The following PPP1R37 variants were observed in gnomAD, a reference collection of about 807,000 sequenced individuals.
The protein encoded by PPP1R37 is protein phosphatase 1 regulatory subunit 37, also known as leucine rich repeat containing 68.
PPP1R37 carries 21 observed loss-of-function variants against 61.0 expected under a neutral mutation model. That is an observed-to-expected ratio of 0.34 (90% CI 0.24 to 0.50). The LOEUF is 0.50. PPP1R37 is among the 20% of genes least tolerant of loss of function. The probability of loss-of-function intolerance (pLI) is 0.98; values close to 1 mark genes in which losing one functional copy is unlikely to be tolerated. For missense variants in PPP1R37, 910 were observed against 952.7 expected (o/e 0.96, Z 0.59); for synonymous variants, 443 against 433.5 (o/e 1.02, Z -0.27).
chr19:45,118,959 CT>C (rs879838641), intron 1 of PPP1R37, among the ~76,000 whole-genome samples: 164 of 146,398 alleles, frequency 1.1e-3, no homozygotes, highest in Middle Eastern at 3.5e-3. Flanking sequence ...GCAGCTGCTG[CT>C]TTTTTTTTTT....
intron 1 of PPP1R37, among the ~76,000 whole-genome samples, chr19:45,101,956 C>T (rs975832662): frequency 7.2e-5 from 11 of 152,256 alleles, no homozygotes; most frequent in African/African-American, 2.7e-4. Context: ...CACTGTTTCC[C>T]ATAGCACCTC....
At chr19:45,102,243 C>G (rs928532570) in intron 1 of PPP1R37, among the ~76,000 whole-genome samples, 6 of 152,240 alleles carry the variant, frequency 3.9e-5, no homozygotes, top group Non-Finnish European at 7.3e-5. Flanking sequence ...CTTATAAAAT[C>G]CAGAAAATTC....
At position 45,128,555 on chromosome 19, in the gene PPP1R37, G is replaced by T. The variant is rs1284710443; in HGVS notation, c.203-9959G>T. On this transcript the variant is annotated intron_variant, in intron 1 of 12. Coordinates refer to ENST00000221462, the MANE Select transcript of PPP1R37 (RefSeq NM_019121.2). ...CAGTGTGTTTGCGAGAGCTGGAATCGAAGCCTCTTAAAATGGCAGATGATT... is the reference window on the plus strand; with the variant it reads ...CAGTGTGTTTGCGAGAGCTGGAATCTAAGCCTCTTAAAATGGCAGATGATT... 4 of 1,238,978 alleles carry T rather than the reference G, an allele frequency of 3.2e-6. No homozygotes were observed. The East Asian group carries it at 1.1e-4, about 33-fold the overall frequency. The allele number at this position is 1,238,978 out of a possible 1,614,324, so 76.7% of individuals were successfully genotyped here. A position where few individuals can be genotyped will look rare whatever the true frequency, so the allele number is the denominator to read the frequency against.
chr19:45,132,824 T>A (rs1968494842), intron 1 of PPP1R37, among the ~76,000 whole-genome samples: 1 of 152,062 alleles, frequency 6.6e-6, no homozygotes, highest in African/African-American at 2.4e-5. Context: ...CTGCCTTGGC[T>A]TCCCAAAGTG....
chr19:45,102,837 G>A (rs1004532305), intron 1 of PPP1R37, among the ~76,000 whole-genome samples: 2 of 152,220 alleles, frequency 1.3e-5, no homozygotes, highest in Admixed American at 6.5e-5. Flanking sequence ...AGCTGATGCC[G>A]CTCCTGTTAC....
intron 1 of PPP1R37, among the ~76,000 whole-genome samples, chr19:45,102,749 T>C (rs1490438573): frequency 6.6e-6 from 1 of 151,518 alleles, no homozygotes; most frequent in Non-Finnish European, 1.5e-5. Flanking sequence ...TCTCTCAAAG[T>C]TTTTAGACTC....
Position 45,145,474 on chromosome 19 carries a change from C to G in PPP1R37, c.1418C>G (p.Ser473Cys). ...EKEQPPQLSA[S>C]MPETTATEPQ... ...GAGCAGCCGCCACAGCTGTCGGCCT[C>G]CATGCCTGAGACCACCGCCACCGAG... Residue 473 changes from serine (S) to cysteine (C), a missense_variant, in exon 11 of 13, where the codon TCC (serine) becomes TGC (cysteine). By Grantham distance (112) the Ser-to-Cys change is moderately radical. Around this residue, in one of 3 missense-constraint regions of PPP1R37, gnomAD observed 549 missense variants for 505.1 expected, o/e 1.09. Coordinates refer to ENST00000221462, the MANE Select transcript of PPP1R37 (RefSeq NM_019121.2). 6.5e-7 allele frequency: 1 copy of G among 1,534,926 alleles called. No individual in the cohort carries two copies. The highest frequency in any genetic ancestry group is 8.7e-7 in the Non-Finnish European group (1 of 1,146,532).
chr19:45,132,566 G>A (rs1303122464), intron 1 of PPP1R37, among the ~76,000 whole-genome samples: 1 of 152,122 alleles, frequency 6.6e-6, no homozygotes, highest in Non-Finnish European at 1.5e-5. Context: ...CTCCCGAGTA[G>A]CTGGGATTAC....
intron 1 of PPP1R37, among the ~76,000 whole-genome samples, chr19:45,132,919 C>G (rs1459991140): frequency 6.6e-6 from 1 of 152,122 alleles, no homozygotes; most frequent in South Asian, 2.1e-4. Context: ...GGGAGGGACC[C>G]TACTAACTCA....
At position 45,120,014 on chromosome 19, in the gene PPP1R37, C is replaced by CTTTTTTTTTTTTTTTTTTTTTTTTTTT. The variant is rs11312138; in HGVS notation, c.203-18479_203-18478insTTTTTTTTTTTTTTTTTTTTTTTTTTT. The stretch of plus-strand genomic sequence containing the variant: ...AGCACAGATTTTTTATTTTCCCCTT[C>CTTTTTTTTTTTTTTTTTTTTTTTTTTT]TTTTTTTTTTTTTTTTTTTTTGAGA... On this transcript the variant is annotated intron_variant, in intron 1 of 12. Transcript: ENST00000221462. Among the ~76,000 whole-genome samples the CTTTTTTTTTTTTTTTTTTTTTTTTTTT allele has an allele frequency of 5.1e-4, 43 of 83,570 alleles. 3 individuals carry two copies. The highest frequency in any genetic ancestry group is 9.1e-4 in the Non-Finnish European group (38 of 41,782). The allele number at this position is 83,570 out of a possible 152,430, so 54.8% of individuals were successfully genotyped here. A position where few individuals can be genotyped will look rare whatever the true frequency, so the allele number is the denominator to read the frequency against.
chr19:45,110,129 T>G lies in PPP1R37; in HGVS notation c.202+16602T>G, dbSNP rs117055443. ...AATTCCCTTTTTCTTTTTTTTTTTT[T>G]TGTTGAGACAGAGTCTTGCTCTGTC... On this transcript the variant is annotated intron_variant, in intron 1 of 12. Coordinates refer to ENST00000221462, the MANE Select transcript of PPP1R37 (RefSeq NM_019121.2). Among the ~76,000 whole-genome samples the G allele has an allele frequency of 6.6e-3, 1,000 of 151,904 alleles. 5 individuals are homozygous for G. The highest frequency in any genetic ancestry group is 0.01 in the Admixed American group (156 of 15,268).
intron 1 of PPP1R37, among the ~76,000 whole-genome samples, chr19:45,122,607 C>T (rs945278157): frequency 4.6e-5 from 7 of 151,980 alleles, no homozygotes; most frequent in Non-Finnish European, 1.0e-4. Flanking sequence ...TGGAGGGTGG[C>T]CAGGGAAGGC....
At chr19:45,123,291 G>A (rs895987903) in intron 1 of PPP1R37, among the ~76,000 whole-genome samples, 3 of 152,102 alleles carry the variant, frequency 2.0e-5, no homozygotes, top group Non-Finnish European at 4.4e-5. Flanking sequence ...CACCTCTCCC[G>A]CCCAGCACTG....
intron 1 of PPP1R37, among the ~76,000 whole-genome samples, chr19:45,107,063 A>G (rs1020242959): frequency 6.6e-6 from 1 of 150,906 alleles, no homozygotes; most frequent in African/African-American, 2.4e-5. Context: ...TGATCCGCCC[A>G]CCTTGGCCTC....
chr19:45,133,085 G>A (rs1343487419), intron 1 of PPP1R37, among the ~76,000 whole-genome samples: 2 of 152,022 alleles, frequency 1.3e-5, no homozygotes, highest in African/African-American at 4.8e-5. Flanking sequence ...TGTTCTTTTT[G>A]TGTGTCCGTG....
At chr19:45,137,145 A>C (rs942738163) in intron 1 of PPP1R37, among the ~76,000 whole-genome samples, 6 of 151,244 alleles carry the variant, frequency 4.0e-5, no homozygotes, top group African/African-American at 1.2e-4. Context: ...AGATCTTTCT[A>C]ACGGCCAGTC....
Position 45,093,257 on chromosome 19 carries a change from G to A in PPP1R37, c.-69G>A. The A allele has an allele frequency of 8.2e-7, 1 of 1,215,014 alleles. No homozygotes were observed. Among genetic ancestry groups the A allele is most frequent in the South Asian group, 2.2e-5 (1 of 46,022 alleles). The allele number at this position is 1,215,014 out of a possible 1,614,324, so 75.3% of individuals were successfully genotyped here. On this transcript the variant is annotated 5_prime_UTR_variant, in exon 1 of 13. Coordinates refer to ENST00000221462, the MANE Select transcript of PPP1R37 (RefSeq NM_019121.2). ...GAGCCCATGCCCCGGGACGGCGGGC[G>A]GACCCGGAGAGACAAATCCGGGGCC...
At chr19:45,095,705 G>A (rs1386235837) in intron 1 of PPP1R37, among the ~76,000 whole-genome samples, 1 of 150,014 alleles carries the variant, frequency 6.7e-6, no homozygotes, top group African/African-American at 2.5e-5. Flanking sequence ...CGATAGTGCA[G>A]TGAACTGTGA....
rs1348803879 is a variant in PPP1R37 at position 45,145,168 on chromosome 19, A to G, written c.1204A>G (p.Lys402Glu). Reference protein sequence around the residue: ...LRLDLRENEIKTGGLMALSLA... With the variant: ...LRLDLRENEIETGGLMALSLA... ...ACTGGACCTTCGGGAGAACGAGATC[A>G]AGACAGGCGGGCTCATGGCACTGTC... The change falls in exon 10 of 13, where the codon AAG becomes GAG. Residue 402 changes from lysine to glutamate, a missense_variant. Physicochemically the swap from Lys to Glu is moderately conservative, Grantham distance 56. This residue lies in a region of PPP1R37 where 549 missense variants were observed against 505.1 expected (regional missense o/e 1.09). Coordinates refer to ENST00000221462, the MANE Select transcript of PPP1R37 (RefSeq NM_019121.2). The G allele has an allele frequency of 6.5e-7, 1 of 1,535,180 alleles. No individual in the cohort carries two copies. The highest frequency in any genetic ancestry group is 1.2e-5 in the South Asian group (1 of 84,046).
Sources: allele counts gnomAD v4.1 joint callset (sites outside exome capture counted in the v4.1 genomes callset), GRCh38; gene constraint gnomAD v4.1.1; regional missense constraint gnomAD v4.1.1; transcripts MANE v1.5; gene names NCBI Gene and HGNC (gene_info 2026-07-23, HGNC 2026-07-21).